The following LRG1 variants were observed in gnomAD, a reference collection of about 807,000 sequenced individuals.
LRG1 encodes leucine-rich alpha-2-glycoprotein.
LRG1 carries 1 observed loss-of-function variant against 2.4 expected under a neutral mutation model. That is an observed-to-expected ratio of 0.41 (90% confidence interval 0.15 to 1.95). The LOEUF is 1.95. Among genes scored for constraint, LRG1 ranks in the 30% most tolerant of loss-of-function variants. The pLI is 0.30. For missense variants in LRG1, 425 were observed against 436.9 expected (o/e 0.97, Z 0.24); for synonymous variants, 226 against 210.6 (o/e 1.07, Z -0.63).
Position 4,537,816 on chromosome 19 carries a change from C to T in LRG1, c.*124G>A. ...TCTCCTGACCTCGTGATCCGCCCAC[C>T]TGGGCCTCCCAAAGTGCTGGGATTA... On this transcript the variant is annotated 3_prime_UTR_variant, in exon 2 of 2. Coordinates refer to ENST00000306390, the MANE Select transcript of LRG1 (RefSeq NM_052972.3). The T allele has an allele frequency of 4.6e-6, 5 of 1,097,552 alleles. No homozygotes were observed. The South Asian group carries it at 8.1e-5, about 18-fold the overall frequency. 68.0% of individuals were successfully genotyped at this position (1,097,552 alleles called of 1,614,324 possible). A position where few individuals can be genotyped will look rare whatever the true frequency, so the allele number is the denominator to read the frequency against.
At position 4,538,483 on chromosome 19, in the gene LRG1, C is replaced by G. The variant is rs752299614; in HGVS notation, c.501G>C (p.Gly167=). 2.1e-5 allele frequency: 34 copies of G among 1,613,908 alleles called. No individual in the cohort carries two copies. In the Admixed American group the frequency reaches 5.7e-4, roughly 27 times the overall value. ...GGCGGTTCCCAGACAGGTCCAGATG[C>G]CCCAGAGCTTTCAGGCCGTGTAGCC... is the stretch of plus-strand genomic sequence containing the variant. ...VSWLHGLKAL[G]HLDLSGNRLR... is the part of the protein sequence containing the mutation. The change falls in exon 2 of 2, where the codon GGG becomes GGC. Residue 167 remains glycine (G), a synonymous_variant. Coordinates refer to ENST00000306390, the MANE Select transcript of LRG1 (RefSeq NM_052972.3).
At position 4,537,849 on chromosome 19, in the gene LRG1, G is replaced by A. The variant is rs1599767624; in HGVS notation, c.*91C>T. 8 of 1,428,642 alleles carry A rather than the reference G, an allele frequency of 5.6e-6. No homozygotes were observed. The African/African-American group carries it at 7.1e-5, about 13-fold the overall frequency. The allele number at this position is 1,428,642 out of a possible 1,614,324, so 88.5% of individuals were successfully genotyped here. ...CCCAAAGTGCTGGGATTACAGGCGT[G>A]AGCCCCCGCACCCGGCCAAAGGCAG... On this transcript the variant is annotated 3_prime_UTR_variant, in exon 2 of 2. Transcript: ENST00000306390.
At position 4,537,856 on chromosome 19, in the gene LRG1, C is replaced by T. The variant is rs559895551; in HGVS notation, c.*84G>A. 223 of 1,469,016 alleles carry T rather than the reference C, an allele frequency of 1.5e-4. No individual in the cohort carries two copies. Among genetic ancestry groups the T allele is most frequent in the Admixed American group, 1.5e-3 (69 of 46,210 alleles). The allele number at this position is 1,469,016 out of a possible 1,614,324, so 91.0% of individuals were successfully genotyped here. The stretch of plus-strand genomic sequence containing the variant: ...TGCTGGGATTACAGGCGTGAGCCCC[C>T]GCACCCGGCCAAAGGCAGGATTATT... On this transcript the variant is annotated 3_prime_UTR_variant, in exon 2 of 2. Transcript: ENST00000306390.
At position 4,537,744 on chromosome 19, in the gene LRG1, T is replaced by C. The variant is rs1221738240; in HGVS notation, c.*196A>G. On this transcript the variant is annotated 3_prime_UTR_variant, in exon 2 of 2. Coordinates refer to ENST00000306390, the MANE Select transcript of LRG1 (RefSeq NM_052972.3). ...CACCACGCCTGGCTAATTTTTTATA[T>C]TTTTAGTAGAGACAGGGTTTCACCA... 1.7e-6 allele frequency: 1 copy of C among 596,186 alleles called. No homozygotes were observed. The allele number at this position is 596,186 out of a possible 1,614,324, so 36.9% of individuals were successfully genotyped here.
rs757033473 is a variant in LRG1 at position 4,538,581 on chromosome 19, G to C, written c.403C>G (p.Leu135Val). ...TCCAGGGTGGCTGAGGCCTGGAAGA[G>C]GCCCGGGGGCAGCCCGGTCAGGGCG... ...RNALTGLPPG[L>V]FQASATLDTL... The change falls in exon 2 of 2, where the codon CTC (leucine) becomes GTC (valine). Residue 135 changes from leucine to valine, a missense_variant. Leu to Val is a conservative substitution (Grantham distance 32, BLOSUM62 1). Transcript: ENST00000306390. The C allele has an allele frequency of 1.2e-6, 2 of 1,613,204 alleles. No homozygotes were observed. Among genetic ancestry groups the C allele is most frequent in the Non-Finnish European group, 8.5e-7 (1 of 1,179,682 alleles).
At position 4,538,225 on chromosome 19, in the gene LRG1, G is replaced by A. The variant is rs780217404; in HGVS notation, c.759C>T (p.Ala253=). 18 of 1,613,898 alleles carry A rather than the reference G, an allele frequency of 1.1e-5. No homozygotes were observed. Among genetic ancestry groups the A allele is most frequent in the East Asian group, 2.2e-5 (1 of 44,890 alleles). The change falls in exon 2 of 2, where the codon GCC becomes GCT. Residue 253 remains alanine, a synonymous_variant. Coordinates refer to ENST00000306390, the MANE Select transcript of LRG1 (RefSeq NM_052972.3). The part of the protein sequence containing the change: ...LNGNKLARVA[A]GAFQGLRQLD... ...GCTGCCGCAGGCCCTGGAAGGCACC[G>A]GCTGCCACCCTGGCCAGCTTGTTGC...
chr19:4,538,711 G>A lies in LRG1; in HGVS notation c.273C>T (p.Ala91=). Residue 91 remains alanine (A), a synonymous_variant, in exon 2 of 2, where the codon GCC becomes GCT. Coordinates refer to ENST00000306390, the MANE Select transcript of LRG1 (RefSeq NM_052972.3). ...AGAGGTGCAATTCTTGGAGCTTAGA[G>A]GCGCCCTGGAGGAGGTTGGCTGGCA... ...THLPANLLQG[A]SKLQELHLSS... is the part of the protein sequence containing the mutation. 1.2e-6 allele frequency: 2 copies of A among 1,608,486 alleles called. No homozygotes were observed. The highest frequency in any genetic ancestry group is 1.7e-6 in the Non-Finnish European group (2 of 1,175,230).
At position 4,538,174 on chromosome 19, in the gene LRG1, G is replaced by A. The variant is rs749102960; in HGVS notation, c.810C>T (p.Asn270=). 3.1e-6 allele frequency: 5 copies of A among 1,613,922 alleles called. No homozygotes were observed. Among genetic ancestry groups the A allele is most frequent in the East Asian group, 2.2e-5 (1 of 44,894 alleles). Residue 270 remains asparagine, a synonymous_variant, in exon 2 of 2, where the codon AAC becomes AAT. Coordinates refer to ENST00000306390, the MANE Select transcript of LRG1 (RefSeq NM_052972.3). ...GCCCCTCGGGCACGCTGGCCAGTGA[G>A]TTATTGGAGAGGTCCAGCATGTCCA... is the stretch of plus-strand genomic sequence containing the variant. ...RQLDMLDLSN[N]SLASVPEGLW... is the part of the protein sequence containing the mutation.
Position 4,538,287 on chromosome 19 carries a change from A to G in LRG1, c.697T>C (p.Leu233=), listed in dbSNP as rs142064949. The change falls in exon 2 of 2, where the codon TTG becomes CTG. Residue 233 remains leucine (L), a synonymous_variant. Transcript: ENST00000306390. ...AGGTAGCGCAGGTCCGGCTGCGGCA[A>G]GAGGAGATCTTTTCCCAGTACTTGC... The part of the protein sequence containing the change: ...KLQVLGKDLL[L]PQPDLRYLFL... 1.6e-4 allele frequency: 259 copies of G among 1,614,062 alleles called. 1 individual carries two copies. The highest frequency in any genetic ancestry group is 2.0e-4 in the Non-Finnish European group (239 of 1,179,990).
At chr19:4,539,217 G>A (rs1053506260) in intron 1 of LRG1, 17 of 316,734 alleles carry the variant, frequency 5.4e-5, no homozygotes, top group African/African-American at 1.7e-4. Context: ...TGTAACTCCC[G>A]CATAATATGA....
At chr19:4,539,721 T>C (rs1282518689) in intron 1 of LRG1, among the ~76,000 whole-genome samples, 5 of 152,218 alleles carry the variant, frequency 3.3e-5, no homozygotes, top group African/African-American at 1.2e-4. Context: ...AGACATGATC[T>C]CGACAGCCTT....
chr19:4,539,863 G>A lies in LRG1; in HGVS notation c.32+119C>T, dbSNP rs1599768897. The A allele has an allele frequency of 3.4e-6, 4 of 1,182,442 alleles. No individual in the cohort carries two copies. The East Asian group carries it at 9.4e-5, about 28-fold the overall frequency. The allele number at this position is 1,182,442 out of a possible 1,614,324, so 73.2% of individuals were successfully genotyped here. A position where few individuals can be genotyped will look rare whatever the true frequency, so the allele number is the denominator to read the frequency against. On this transcript the variant is annotated intron_variant, in intron 1 of 1. Transcript: ENST00000306390. Reference sequence around the variant, plus strand: ...TTTCTGTCACAGATAAGGTTGATCTGTGCCAGCCACCAGGCCTGTATCTGC... The same window carrying A: ...TTTCTGTCACAGATAAGGTTGATCTATGCCAGCCACCAGGCCTGTATCTGC...
At chr19:4,539,341 T>C (rs1976986663) in intron 1 of LRG1, among the ~76,000 whole-genome samples, 1 of 152,240 alleles carries the variant, frequency 6.6e-6, no homozygotes. Context: ...TCTCCCTGGC[T>C]CTGTGTTTTG....
chr19:4,539,216 C>A, intron 1 of LRG1: 1 of 318,562 alleles, frequency 3.1e-6, no homozygotes, highest in Non-Finnish European at 5.7e-6. Flanking sequence ...GTGTAACTCC[C>A]GCATAATATG....
In LRG1 at chr19:4,538,508, C is replaced by T. The variant is rs1976974659; in HGVS notation, c.476G>A (p.Trp159Ter). ...ENQLEVLEVS[W>*]LHGLKALGHL... is the part of the protein sequence containing the mutation. ...CCCCAGAGCTTTCAGGCCGTGTAGC[C>T]ACGAGACCTCCAGGACCTCCAGCTG... Residue 159 changes from tryptophan (W) to a stop codon, truncating the protein, a stop_gained, in exon 2 of 2, where the codon TGG becomes TAG. Coordinates refer to ENST00000306390, the MANE Select transcript of LRG1 (RefSeq NM_052972.3). LOFTEE classifies it low-confidence loss of function (END_TRUNC). 6.2e-7 allele frequency: 1 copy of T among 1,613,844 alleles called. No homozygotes were observed. Among genetic ancestry groups the T allele is most frequent in the Admixed American group, 1.7e-5 (1 of 59,994 alleles).
rs772668848 is a variant in LRG1 at position 4,538,773 on chromosome 19, C to T, written c.211G>A (p.Val71Met). 1.2e-5 allele frequency: 19 copies of T among 1,605,556 alleles called. No homozygotes were observed. The East Asian group carries it at 1.3e-4, about 11-fold the overall frequency. Residue 71 changes from valine to methionine, a missense_variant, in exon 2 of 2, where the codon GTG (valine) becomes ATG (methionine). By Grantham distance (21) the Val-to-Met change is conservative. Transcript: ENST00000306390. ...EIPGYLPADT[V>M]HLAVEFFNLT... is the part of the protein sequence containing the mutation. ...TTGAAGAATTCCACGGCCAGGTGCA[C>T]GGTGTCGGCTGGCAGGTAGCCGGGG...
intron 1 of LRG1, 36 bp from the exon 2 acceptor site, chr19:4,538,987 AGTGAAAATACACTCAGCTAG>A (rs778765460): frequency 3.7e-5 from 55 of 1,481,928 alleles, no homozygotes; most frequent in Non-Finnish European, 4.9e-5. Flanking sequence ...ACTAAACCAC[AGTGAAAATACACTCAGCTAG>A]GTGAAAATAC....
In LRG1 at chr19:4,537,704, A is replaced by T. The variant is rs1034226930; in HGVS notation, c.*236T>A. 4 of 496,838 alleles carry T rather than the reference A, an allele frequency of 8.1e-6. No homozygotes were observed. Among genetic ancestry groups the T allele is most frequent in the African/African-American group, 3.9e-5 (2 of 51,928 alleles). The allele number at this position is 496,838 out of a possible 1,614,324, so 30.8% of individuals were successfully genotyped here. ...TGCCTCAGCCTCCCGAGTTGCTGGG[A>T]CTACAGGTGCCCACCACCACGCCTG... On this transcript the variant is annotated 3_prime_UTR_variant, in exon 2 of 2. Coordinates refer to ENST00000306390, the MANE Select transcript of LRG1 (RefSeq NM_052972.3).
In LRG1 at chr19:4,537,852, C is replaced by A; in HGVS notation, c.*88G>T. 1 of 1,442,422 alleles carries A rather than the reference C, an allele frequency of 6.9e-7. No individual in the cohort carries two copies. The highest frequency in any genetic ancestry group is 9.3e-7 in the Non-Finnish European group (1 of 1,080,244). 89.4% of individuals were successfully genotyped at this position (1,442,422 alleles called of 1,614,324 possible). On this transcript the variant is annotated 3_prime_UTR_variant, in exon 2 of 2. Transcript: ENST00000306390. ...AAAGTGCTGGGATTACAGGCGTGAG[C>A]CCCCGCACCCGGCCAAAGGCAGGAT... is the stretch of plus-strand genomic sequence containing the variant.
Sources: allele counts gnomAD v4.1 joint callset (sites outside exome capture counted in the v4.1 genomes callset), GRCh38; gene constraint gnomAD v4.1.1; transcripts MANE v1.5; gene names NCBI Gene and HGNC (gene_info 2026-07-23, HGNC 2026-07-21).